Variants in ERC2 observed in about 807,000 individuals in gnomAD.
ERC2 encodes the protein ERC protein 2.
Under a neutral mutation model 114.8 loss-of-function variants are expected in ERC2, and 42 were observed. The observed-to-expected ratio is 0.37, with a 90% CI of 0.29 to 0.47. The LOEUF (loss-of-function observed/expected upper bound fraction) is 0.47. Ranked by LOEUF, ERC2 falls within the 20% of genes least tolerant of loss-of-function variation. The pLI, the probability that ERC2 is intolerant of heterozygous loss-of-function variation, is 0.99. For missense variants in ERC2, 939 were observed against 1,150.7 expected (o/e 0.82, Z 2.66); for synonymous variants, 454 against 425.5 (o/e 1.07, Z -0.82).
intron 2 of ERC2, among the ~76,000 whole-genome samples, chr3:56,409,534 A>C (rs1235795336): frequency 1.3e-5 from 2 of 151,872 alleles, no homozygotes; most frequent in African/African-American, 2.4e-5. Flanking sequence ...AAAAAAAAAA[A>C]ACCTCTGCTC....
At chr3:55,723,370 A>T (rs993674207) in intron 15 of ERC2, among the ~76,000 whole-genome samples, 6 of 152,186 alleles carry the variant, frequency 3.9e-5, no homozygotes, top group African/African-American at 1.4e-4. Flanking sequence ...TATTATTTCT[A>T]TGATAAAAGA....
chr3:56,164,716 C>T (rs1281125861), intron 4 of ERC2, among the ~76,000 whole-genome samples: 1 of 152,014 alleles, frequency 6.6e-6, no homozygotes, highest in African/African-American at 2.4e-5. Context: ...CCACCATCAA[C>T]ATATGAGAAT....
intron 2 of ERC2, among the ~76,000 whole-genome samples, chr3:56,400,653 C>T (rs547713241): frequency 8.5e-4 from 129 of 152,274 alleles, no homozygotes; most frequent in Non-Finnish European, 1.4e-3. Flanking sequence ...TACAAATCTG[C>T]AATATCAAGA....
At chr3:55,828,620 A>G (rs1037948096) in intron 14 of ERC2, among the ~76,000 whole-genome samples, 2 of 152,180 alleles carry the variant, frequency 1.3e-5, no homozygotes, top group Non-Finnish European at 2.9e-5. Context: ...TGAAAATTTC[A>G]TAAGTTCATG....
Position 56,449,454 on chromosome 3 carries a change from CA to C in ERC2, c.-140-14308del, listed in dbSNP as rs1281398728. On this transcript the variant is annotated intron_variant, in intron 1 of 17. Transcript: ENST00000288221. ...AAGGGAACACGGGAGCTATGCAAAA[CA>C]ACTTTGAAATAATTGAAAGGATGAT... is the stretch of plus-strand genomic sequence containing the variant. Among the ~76,000 whole-genome samples the C allele has an allele frequency of 2.6e-5, 4 of 152,188 alleles. No homozygotes were observed. The East Asian group carries it at 7.7e-4, about 29-fold the overall frequency.
intron 2 of ERC2, among the ~76,000 whole-genome samples, chr3:56,367,343 A>T (rs569671460): frequency 9.9e-4 from 150 of 152,142 alleles, no homozygotes; most frequent in African/African-American, 3.3e-3. Context: ...TTATTTGAAC[A>T]ATCTTAAATA....
At chr3:55,912,592 T>C (rs2064871355) in intron 13 of ERC2, among the ~76,000 whole-genome samples, 2 of 152,196 alleles carry the variant, frequency 1.3e-5, no homozygotes, top group South Asian at 4.1e-4. Flanking sequence ...ATTCTAATTT[T>C]CTAAGACAAA....
intron 17 of ERC2, among the ~76,000 whole-genome samples, chr3:55,573,281 T>C (rs2056815377): frequency 6.6e-6 from 1 of 152,110 alleles, no homozygotes; most frequent in African/African-American, 2.4e-5. Flanking sequence ...AAAATGGGTA[T>C]GGATAATAGC....
chr3:56,407,882 C>T (rs1029035473), intron 2 of ERC2, among the ~76,000 whole-genome samples: 1 of 152,160 alleles, frequency 6.6e-6, no homozygotes, highest in African/African-American at 2.4e-5. Flanking sequence ...ACTATTCCCC[C>T]ACCACCAGCT....
At chr3:56,222,509 G>T (rs1312790368) in intron 3 of ERC2, among the ~76,000 whole-genome samples, 2 of 152,006 alleles carry the variant, frequency 1.3e-5, no homozygotes, top group Non-Finnish European at 2.9e-5. Context: ...GCTTGGTGAG[G>T]CCTTGTCTGA....
intron 13 of ERC2, among the ~76,000 whole-genome samples, chr3:55,932,529 G>A (rs927520369): frequency 2.6e-5 from 4 of 152,146 alleles, no homozygotes; most frequent in African/African-American, 9.7e-5. Context: ...TCCTTTACCT[G>A]AAATGCACTG....
chr3:56,402,540 G>A (rs2060558651), intron 2 of ERC2, among the ~76,000 whole-genome samples: 1 of 152,134 alleles, frequency 6.6e-6, no homozygotes. Flanking sequence ...GATTATAACA[G>A]CAACCTGCCC....
At chr3:56,242,676 A>G (rs999343901) in intron 3 of ERC2, among the ~76,000 whole-genome samples, 3 of 152,128 alleles carry the variant, frequency 2.0e-5, no homozygotes, top group African/African-American at 7.2e-5. Flanking sequence ...TGTAAGAGAA[A>G]CTTGCATAGT....
chr3:56,288,474 T>C (rs2054871131), intron 3 of ERC2, among the ~76,000 whole-genome samples: 1 of 152,192 alleles, frequency 6.6e-6, no homozygotes, highest in African/African-American at 2.4e-5. Context: ...CTAATGGCTT[T>C]CTGGGGCTCC....
At chr3:56,016,568 G>A (rs1466660825) in intron 8 of ERC2, among the ~76,000 whole-genome samples, 1 of 151,926 alleles carries the variant, frequency 6.6e-6, no homozygotes, top group Non-Finnish European at 1.5e-5. Flanking sequence ...TTGCTAAAGT[G>A]CAGATTCCCA....
chr3:56,467,922 C>T (rs1050154850), intron 1 of ERC2, among the ~76,000 whole-genome samples: 8 of 152,112 alleles, frequency 5.3e-5, no homozygotes, highest in South Asian at 4.1e-4. Context: ...AAGGCGATGG[C>T]AGTGAGGGTG....
intron 3 of ERC2, among the ~76,000 whole-genome samples, chr3:56,264,635 G>T (rs1260879817): frequency 1.3e-5 from 2 of 150,978 alleles, no homozygotes; most frequent in South Asian, 4.2e-4. Flanking sequence ...ACAAGAAAAG[G>T]CACTCAAATA....
chr3:56,205,157 G>A (rs1341868753), intron 3 of ERC2, among the ~76,000 whole-genome samples: 1 of 152,068 alleles, frequency 6.6e-6, no homozygotes, highest in Non-Finnish European at 1.5e-5. Context: ...CCCAGGCTTT[G>A]ACATCTCCTT....
intron 4 of ERC2, among the ~76,000 whole-genome samples, chr3:56,162,000 A>G (rs1212574041): frequency 6.6e-5 from 10 of 152,014 alleles, no homozygotes; most frequent in Admixed American, 1.3e-4. Context: ...TGCCCATTCA[A>G]TGTGATGTTG....
Sources: gnomAD v4.1 joint callset for allele counts (sites outside exome capture counted in the v4.1 genomes callset) on GRCh38, gnomAD v4.1.1 for gene constraint, MANE v1.5 for transcripts, NCBI Gene and HGNC (gene_info 2026-07-23, HGNC 2026-07-21) for gene names.